The following ELOVL4 variants were observed in gnomAD, a reference collection of about 807,000 sequenced individuals.
ELOVL4 encodes very long chain fatty acid elongase 4.
A neutral mutation model predicts 42.1 loss-of-function variants in ELOVL4; 18 were observed. The observed-to-expected ratio is 0.43, with a 90% confidence interval of 0.30 to 0.63. The LOEUF (loss-of-function observed/expected upper bound fraction) is 0.63. Ranked by LOEUF, ELOVL4 falls within the 30% of genes least tolerant of loss-of-function variation. ELOVL4 has a pLI of 0.15. For missense variants in ELOVL4, 299 were observed against 376.2 expected (o/e 0.79, Z 1.70); for synonymous variants, 117 against 127.0 (o/e 0.92, Z 0.53).
intron 1 of ELOVL4, among the ~76,000 whole-genome samples, chr6:79,945,587 A>T (rs1311902405): frequency 6.6e-6 from 1 of 152,062 alleles, no homozygotes; most frequent in African/African-American, 2.4e-5. Flanking sequence ...CTATATGGAG[A>T]CTGGAGTATC....
At chr6:79,925,108 T>A in intron 2 of ELOVL4, 76 bp from the exon 3 acceptor site, 1 of 976,592 alleles carries the variant, frequency 1.0e-6, no homozygotes, top group Non-Finnish European at 1.6e-6. Flanking sequence ...ATACAAAATG[T>A]AGCCTTTCAA....
Position 79,921,711 on chromosome 6 carries a change from T to C in ELOVL4, c.455A>G (p.Asn152Ser). Residue 152 changes from asparagine to serine, a missense_variant, in exon 4 of 6, where the codon AAC (asparagine) becomes AGC (serine). Transcript: ENST00000369816. Reference sequence around the variant, plus strand: ...ATACACATGAAGGAAAGAAACTTGGTTGTTTTTCTTTCTCAGAATAAAAAA... The same window carrying C: ...ATACACATGAAGGAAAGAAACTTGGCTGTTTTTCTTTCTCAGAATAAAAAA... Reference protein sequence around the residue: ...TVFFILRKKNNQVSFLHVYHH... With the variant: ...TVFFILRKKNSQVSFLHVYHH... The C allele has an allele frequency of 6.2e-7, 1 of 1,613,956 alleles. No individual in the cohort carries two copies. Among genetic ancestry groups the C allele is most frequent in the Non-Finnish European group, 8.5e-7 (1 of 1,179,888 alleles).
At chr6:79,924,666 T>C (rs1774313989) in intron 3 of ELOVL4, among the ~76,000 whole-genome samples, 1 of 151,906 alleles carries the variant, frequency 6.6e-6, no homozygotes, top group Non-Finnish European at 1.5e-5. Flanking sequence ...CAAGACCCTG[T>C]CTCTACAAAA....
intron 5 of ELOVL4, among the ~76,000 whole-genome samples, chr6:79,917,407 T>A (rs1774180745): frequency 6.6e-6 from 1 of 152,194 alleles, no homozygotes; most frequent in Non-Finnish European, 1.5e-5. Context: ...TTTCTTTCTA[T>A]CAAATTGTCA....
chr6:79,916,521 GCTCTCCTTT>G lies in ELOVL4; in HGVS notation c.*78_*86del. The G allele has an allele frequency of 6.5e-7, 1 of 1,530,534 alleles. No homozygotes were observed. Among genetic ancestry groups the G allele is most frequent in the Non-Finnish European group, 9.0e-7 (1 of 1,109,788 alleles). The allele number at this position is 1,530,534 out of a possible 1,614,324, so 94.8% of individuals were successfully genotyped here. The stretch of plus-strand genomic sequence containing the variant: ...ATTTGTCTTTTCTCCCCACCCCCAA[GCTCTCCTTT>G]GCTTCTGTTTTCCCTGAAATTTTAT... On this transcript the variant is annotated 3_prime_UTR_variant, in exon 6 of 6. Transcript: ENST00000369816.
intron 2 of ELOVL4, 89 bp from the exon 3 acceptor site, chr6:79,925,121 T>A: frequency 1.1e-6 from 1 of 870,598 alleles, no homozygotes; most frequent in Non-Finnish European, 1.9e-6. Context: ...CCTTTCAAAT[T>A]ATTTTAAACA....
intron 1 of ELOVL4, among the ~76,000 whole-genome samples, chr6:79,943,399 T>G (rs1774679034): frequency 6.6e-6 from 1 of 152,158 alleles, no homozygotes; most frequent in African/African-American, 2.4e-5. Context: ...CTTTGACACC[T>G]TTTGCCCTAG....
intron 2 of ELOVL4, among the ~76,000 whole-genome samples, chr6:79,925,775 A>G (rs1327001726): frequency 6.6e-6 from 1 of 152,182 alleles, no homozygotes. Flanking sequence ...TCAGTTACCA[A>G]ACCAGAAACT....
intron 1 of ELOVL4, among the ~76,000 whole-genome samples, chr6:79,942,562 C>T (rs904120373): frequency 6.6e-6 from 1 of 151,982 alleles, no homozygotes; most frequent in Non-Finnish European, 1.5e-5. Flanking sequence ...AATAAGAAAA[C>T]AAATTGAATT....
chr6:79,944,881 T>C (rs1251393103), intron 1 of ELOVL4, among the ~76,000 whole-genome samples: 2 of 151,756 alleles, frequency 1.3e-5, no homozygotes, highest in East Asian at 1.9e-4. Context: ...ACTCACCAAC[T>C]TTTGTTTAAC....
intron 2 of ELOVL4, among the ~76,000 whole-genome samples, chr6:79,925,661 TATA>T (rs1774331080): frequency 6.6e-6 from 1 of 152,190 alleles, no homozygotes; most frequent in Non-Finnish European, 1.5e-5. Context: ...CAGAAAAGTA[TATA>T]ATGATTAGTA....
In ELOVL4 at chr6:79,916,756, T is replaced by C. The variant is rs1483073066; in HGVS notation, c.797A>G (p.Tyr266Cys). The change falls in exon 6 of 6, where the codon TAC (tyrosine) becomes TGC (cysteine). Residue 266 changes from tyrosine (Y) to cysteine (C), a missense_variant. Transcript: ENST00000369816. ...CTTAGGCTCTTTGTATGTCCGAATG[T>C]AGAAGTTAAGAAAGAGAAATATGAA... ...ISFIFLFLNF[Y>C]IRTYKEPKKP... 3 of 1,614,074 alleles carry C rather than the reference T, an allele frequency of 1.9e-6. No individual in the cohort carries two copies. Among genetic ancestry groups the C allele is most frequent in the Non-Finnish European group, 2.5e-6 (3 of 1,180,048 alleles).
chr6:79,921,532 G>T, intron 4 of ELOVL4, 93 bp downstream of exon 4: 3 of 846,828 alleles, frequency 3.5e-6, no homozygotes, highest in South Asian at 1.4e-5. Context: ...CAAGTTAAAT[G>T]GTAGATCAAG....
At chr6:79,934,320 GAGAAAT>G (rs1774506646) in intron 1 of ELOVL4, among the ~76,000 whole-genome samples, 3 of 152,090 alleles carry the variant, frequency 2.0e-5, no homozygotes, top group Admixed American at 1.3e-4. Context: ...CACAAAGACC[GAGAAAT>G]TTCCAAAAGG....
At chr6:79,924,225 A>G (rs1337456752) in intron 3 of ELOVL4, among the ~76,000 whole-genome samples, 1 of 152,192 alleles carries the variant, frequency 6.6e-6, no homozygotes. Flanking sequence ...AAATTGTTCT[A>G]TGCCTAATTT....
rs114383780 is a variant in ELOVL4, at chr6:79,940,676, G to A, written c.100+6504C>T. Among the ~76,000 whole-genome samples, 836 of 152,248 alleles carry A rather than the reference G, an allele frequency of 5.5e-3. 10 individuals are homozygous for A. The highest frequency in any genetic ancestry group is 0.019 in the African/African-American group (792 of 41,556). On this transcript the variant is annotated intron_variant, in intron 1 of 5. Transcript: ENST00000369816. ...TAAACTAAGCCTTAAAGGTTATGTA[G>A]TTCAACCCTCTCACAGCACAGGTAG...
intron 1 of ELOVL4, among the ~76,000 whole-genome samples, chr6:79,944,782 T>C (rs1353570691): frequency 6.6e-6 from 1 of 152,078 alleles, no homozygotes; most frequent in African/African-American, 2.4e-5. Flanking sequence ...CCCTCAATAA[T>C]TTGCATCCTT....
intron 1 of ELOVL4, among the ~76,000 whole-genome samples, chr6:79,932,828 T>G (rs567599976): frequency 6.6e-6 from 1 of 150,388 alleles, no homozygotes; most frequent in East Asian, 1.9e-4. Context: ...GTCAGAGGAG[T>G]GTCTTATGAA....
At chr6:79,943,521 T>A (rs945208679) in intron 1 of ELOVL4, among the ~76,000 whole-genome samples, 29 of 152,196 alleles carry the variant, frequency 1.9e-4, no homozygotes, top group African/African-American at 5.8e-4. Context: ...TGTATATTCC[T>A]TTCACTTAGG....
Sources: allele counts gnomAD v4.1 joint callset (sites outside exome capture counted in the v4.1 genomes callset), GRCh38; gene constraint gnomAD v4.1.1; transcripts MANE v1.5; gene names NCBI Gene and HGNC (gene_info 2026-07-23, HGNC 2026-07-21).